OR14I1: variants seen among roughly 807,000 people sequenced by gnomAD.
OR14I1 encodes olfactory receptor family 14 subfamily I member 1, also known as olfactory receptor 14I1.
For synonymous variants in OR14I1, 118 were observed against 71.1 expected, an observed-to-expected ratio of 1.66 and a Z score of -3.32; for missense variants, 279 against 181.8, an observed-to-expected ratio of 1.53 and a Z score of -3.07.
the OR14I1 span, among the ~76,000 whole-genome samples, chr1:248,690,187 T>C: frequency 5.5e-4 from 84 of 151,454 alleles, 1 homozygote; most frequent in South Asian, 0.014. Flanking sequence ...CAAGAGCAAA[T>C]AAATTCGAAA....
At chr1:248,679,001 A>T (rs1322037877), downstream of OR14I1, among the ~76,000 whole-genome samples, 1 of 152,226 alleles carries the variant, frequency 6.6e-6, no homozygotes, top group Admixed American at 6.5e-5. Flanking sequence ...CAGTTCAAAT[A>T]GGAGGCTTGT....
the OR14I1 span, among the ~76,000 whole-genome samples, chr1:248,690,508 A>G: frequency 7.0e-6 from 1 of 142,252 alleles, no homozygotes; most frequent in East Asian, 2.2e-4. Context: ...GGACACATAC[A>G]CCCTCCCAAG....
At chr1:248,681,810 G>A (rs147596016) in exon 1 of OR14I1, 18 of 781,028 alleles carry the variant, frequency 2.3e-5, no homozygotes, top group East Asian at 1.2e-4. Flanking sequence ...ATCTGCAAAC[G>A]TGCTCCCGAA....
chr1:248,689,059 A>G, the OR14I1 span, among the ~76,000 whole-genome samples: 1 of 152,156 alleles, frequency 6.6e-6, no homozygotes, highest in African/African-American at 2.4e-5. Flanking sequence ...GACTATTTAA[A>G]ATACAGGTAA....
chr1:248,681,946 C>T (rs767063023), exon 1 of OR14I1: 13 of 780,834 alleles, frequency 1.7e-5, no homozygotes, highest in South Asian at 2.7e-5. Flanking sequence ...GGCAACATAG[C>T]GGTCATAAGA....
At chr1:248,683,931 T>G (rs1358282271), upstream of OR14I1, among the ~76,000 whole-genome samples, 1 of 151,914 alleles carries the variant, frequency 6.6e-6, no homozygotes. Context: ...ACTCAGGAGG[T>G]TGGAGCAGGA....
chr1:248,694,301 ATT>A, the OR14I1 span, among the ~76,000 whole-genome samples: 11 of 152,042 alleles, frequency 7.2e-5, no homozygotes, highest in Non-Finnish European at 1.3e-4. Context: ...TTTTTCATAT[ATT>A]GTCCCATTTT....
At chr1:248,691,177 G>A in the OR14I1 span, among the ~76,000 whole-genome samples, 17 of 152,184 alleles carry the variant, frequency 1.1e-4, no homozygotes, top group Middle Eastern at 3.2e-3. Flanking sequence ...TGGGTAACAG[G>A]AAGAATTCTA....
At chr1:248,691,451 T>C in the OR14I1 span, among the ~76,000 whole-genome samples, 18 of 152,302 alleles carry the variant, frequency 1.2e-4, no homozygotes, top group East Asian at 3.5e-3. Context: ...ATTAAGTATA[T>C]AGGTACCCTT....
upstream of OR14I1, among the ~76,000 whole-genome samples, chr1:248,685,625 C>G (rs1414120910): frequency 6.6e-6 from 1 of 151,668 alleles, no homozygotes; most frequent in Non-Finnish European, 1.5e-5. Context: ...CATTTCTGCA[C>G]TGCTAAAGGA....
chr1:248,694,912 CA>C, the OR14I1 span, among the ~76,000 whole-genome samples: 1 of 152,160 alleles, frequency 6.6e-6, no homozygotes, highest in Non-Finnish European at 1.5e-5. Flanking sequence ...CTGTGCTGTC[CA>C]GTACAGTGGC....
the OR14I1 span, among the ~76,000 whole-genome samples, chr1:248,693,899 T>TAA: frequency 3.6e-4 from 48 of 132,342 alleles, no homozygotes; most frequent in African/African-American, 1.0e-3. Context: ...CAGAACTTTT[T>TAA]AAAAAAAAAA....
upstream of OR14I1, among the ~76,000 whole-genome samples, chr1:248,684,757 C>CATATATATATATATATATAT (rs376621560): frequency 3.3e-4 from 48 of 145,120 alleles, no homozygotes; most frequent in African/African-American, 1.2e-3. Flanking sequence ...CACACACATA[C>CATATATATATATATATATAT]ATATATATAT....
chr1:248,679,143 G>T (rs1294187076), downstream of OR14I1, among the ~76,000 whole-genome samples: 1 of 152,104 alleles, frequency 6.6e-6, no homozygotes, highest in Non-Finnish European at 1.5e-5. Context: ...CAGGGGCTCT[G>T]GATCAAGAAA....
chr1:248,696,496 C>A, the OR14I1 span, among the ~76,000 whole-genome samples: 9 of 152,178 alleles, frequency 5.9e-5, no homozygotes, highest in Non-Finnish European at 1.0e-4. Context: ...TTCACTAGGA[C>A]ATTATTATGG....
chr1:248,680,521 A>T (rs958795800), downstream of OR14I1, among the ~76,000 whole-genome samples: 5 of 152,214 alleles, frequency 3.3e-5, no homozygotes, highest in Non-Finnish European at 7.4e-5. Context: ...TCACGAGCCC[A>T]GTCACCTGAG....
chr1:248,690,869 C>A, the OR14I1 span, among the ~76,000 whole-genome samples: 2 of 152,062 alleles, frequency 1.3e-5, no homozygotes, highest in African/African-American at 4.8e-5. Context: ...CTGAATCCAG[C>A]AGCACATCAA....
At chr1:248,687,952 T>A in the OR14I1 span, among the ~76,000 whole-genome samples, 6 of 152,374 alleles carry the variant, frequency 3.9e-5, no homozygotes, top group African/African-American at 1.2e-4. Context: ...TTAAAGAATA[T>A]CTGGATCTAA....
downstream of OR14I1, among the ~76,000 whole-genome samples, chr1:248,680,268 T>G (rs1661535253): frequency 6.6e-6 from 1 of 152,178 alleles, no homozygotes; most frequent in Admixed American, 6.5e-5. Flanking sequence ...AGAATTATAT[T>G]TACAGAATTT....
Sources: gnomAD v4.1 joint callset for allele counts (sites outside exome capture counted in the v4.1 genomes callset) on GRCh38, gnomAD v4.1.1 for gene constraint, MANE v1.5 for transcripts, NCBI Gene and HGNC (gene_info 2026-07-23, HGNC 2026-07-21) for gene names.